NALCN: variants seen among roughly 807,000 people sequenced by gnomAD.
The protein encoded by NALCN is sodium leak channel, non-selective.
A neutral mutation model predicts 225.3 loss-of-function variants in NALCN; 111 were observed. The ratio of observed to expected loss-of-function variants is 0.49; its 90% CI spans 0.42 to 0.58. The LOEUF is 0.58. Among genes scored for constraint, NALCN ranks in the 20% least tolerant of loss-of-function variants. The probability of loss-of-function intolerance (pLI) is 0.00; values close to 1 mark genes in which losing one functional copy is unlikely to be tolerated. For missense variants in NALCN, 1,378 were observed against 2,202.4 expected (o/e 0.63, Z 7.49); for synonymous variants, 764 against 769.0 (o/e 0.99, Z 0.11).
At chr13:101,289,291 T>C (rs1454191358) in intron 9 of NALCN, among the ~76,000 whole-genome samples, 1 of 152,170 alleles carries the variant, frequency 6.6e-6, no homozygotes, top group Non-Finnish European at 1.5e-5. Flanking sequence ...TTACATGTTA[T>C]ATTATGGTCT....
At chr13:101,170,305 T>C (rs2038652786) in intron 15 of NALCN, among the ~76,000 whole-genome samples, 2 of 152,152 alleles carry the variant, frequency 1.3e-5, no homozygotes, top group South Asian at 4.1e-4. Flanking sequence ...GTTTACATGG[T>C]GCAGGCAATG....
intron 17 of NALCN, among the ~76,000 whole-genome samples, chr13:101,138,975 A>G (rs1475363234): frequency 6.6e-6 from 1 of 152,198 alleles, no homozygotes; most frequent in Non-Finnish European, 1.5e-5. Context: ...AGGTAGCAGG[A>G]TAAAGGGATG....
chr13:101,078,157 G>T (rs1416378172), intron 34 of NALCN, among the ~76,000 whole-genome samples: 1 of 73,192 alleles, frequency 1.4e-5, no homozygotes, highest in Non-Finnish European at 3.7e-5. Flanking sequence ...AGTTTGCTGT[G>T]GGGGTAGAGC....
At chr13:101,140,921 C>A (rs1348495163) in intron 17 of NALCN, among the ~76,000 whole-genome samples, 1 of 152,062 alleles carries the variant, frequency 6.6e-6, no homozygotes, top group Non-Finnish European at 1.5e-5. Flanking sequence ...GGCAACACAG[C>A]AAGATCTCAT....
chr13:101,054,219 A>T lies in NALCN; in HGVS notation c.*1076T>A, dbSNP rs146780612. On this transcript the variant is annotated 3_prime_UTR_variant, in exon 44 of 44. Coordinates refer to ENST00000251127, the MANE Select transcript of NALCN (RefSeq NM_052867.4). Reference sequence around the variant, plus strand: ...ACATGGGCCATTGACATATAAGGAAAAAAAACAAAAACAAAAAACGATTAA... The same window carrying T: ...ACATGGGCCATTGACATATAAGGAATAAAAACAAAAACAAAAAACGATTAA... The T allele has an allele frequency of 5.9e-5, 9 of 152,348 alleles. No homozygotes were observed. In the East Asian group the frequency reaches 1.7e-3, roughly 29 times the overall value. The allele number at this position is 152,348 out of a possible 1,614,324, so 9.4% of individuals were successfully genotyped here. A position where few individuals can be genotyped will look rare whatever the true frequency, so the allele number is the denominator to read the frequency against.
intron 4 of NALCN, 92 bp downstream of exon 4, chr13:101,378,478 T>C (rs867873176): frequency 1.1e-6 from 1 of 879,412 alleles, no homozygotes; most frequent in East Asian, 2.7e-5. Context: ...ACATTTGATA[T>C]ATATTTTGTA....
In NALCN at chr13:101,054,638, C is replaced by T. The variant is rs2030983765; in HGVS notation, c.*657G>A. The T allele has an allele frequency of 6.6e-6, 1 of 152,172 alleles. No individual in the cohort carries two copies. Among genetic ancestry groups the T allele is most frequent in the Non-Finnish European group, 1.5e-5 (1 of 68,046 alleles). The allele number at this position is 152,172 out of a possible 1,614,324, so 9.4% of individuals were successfully genotyped here. ...CATTTCTTTGCCTGGTGCTTGCACACACAATTTTCTTAGAAGGAGGCAACA... is the reference window on the plus strand; with the variant it reads ...CATTTCTTTGCCTGGTGCTTGCACATACAATTTTCTTAGAAGGAGGCAACA... On this transcript the variant is annotated 3_prime_UTR_variant, in exon 44 of 44. Transcript: ENST00000251127.
In NALCN at chr13:101,416,166, T is replaced by C. The variant is rs1379552338; in HGVS notation, c.-40+147A>G. Reference sequence around the variant, plus strand: ...GCGGGGCCCCCGCCCGCAGCCCCTCTAGCAGCCCCTCTCGCAGCCCCAGCG... The same window carrying C: ...GCGGGGCCCCCGCCCGCAGCCCCTCCAGCAGCCCCTCTCGCAGCCCCAGCG... On this transcript the variant is annotated intron_variant, in intron 1 of 43. Coordinates refer to ENST00000251127, the MANE Select transcript of NALCN (RefSeq NM_052867.4). 4 of 142,292 alleles carry C rather than the reference T, an allele frequency of 2.8e-5. No individual in the cohort carries two copies. The East Asian group carries it at 9.1e-4, about 32-fold the overall frequency. 8.8% of individuals were successfully genotyped at this position (142,292 alleles called of 1,614,324 possible).
intron 6 of NALCN, among the ~76,000 whole-genome samples, chr13:101,345,822 T>A (rs2045708838): frequency 7.0e-6 from 1 of 143,096 alleles, no homozygotes; most frequent in Non-Finnish European, 1.5e-5. Context: ...CTTCTTGCTC[T>A]TATGTTGTAG....
intron 17 of NALCN, among the ~76,000 whole-genome samples, chr13:101,140,787 T>C (rs2037038930): frequency 6.6e-6 from 1 of 152,132 alleles, no homozygotes; most frequent in African/African-American, 2.4e-5. Flanking sequence ...AAGCCAGGCA[T>C]GGTGGCCATG....
At chr13:101,281,658 T>C (rs73560789) in intron 10 of NALCN, among the ~76,000 whole-genome samples, 2,586 of 151,982 alleles carry the variant, frequency 0.017, 83 homozygotes, top group African/African-American at 0.057. Context: ...CTGACAGAAA[T>C]AAATAACTAA....
At chr13:101,126,540 T>A (rs955083555) in intron 17 of NALCN, among the ~76,000 whole-genome samples, 1 of 151,654 alleles carries the variant, frequency 6.6e-6, no homozygotes, top group Non-Finnish European at 1.5e-5. Flanking sequence ...CCATCCAGGC[T>A]GGAGTGCAGT....
intron 10 of NALCN, among the ~76,000 whole-genome samples, chr13:101,281,862 TTTTCCAAAGAAGAC>T (rs764929920): frequency 2.6e-4 from 39 of 152,172 alleles, no homozygotes; most frequent in Non-Finnish European, 5.0e-4. Context: ...GAGTAGATTT[TTTTCCAAAGAAGAC>T]ATATGAATGG....
In NALCN at chr13:101,180,042, C is replaced by A. The variant is rs890837490; in HGVS notation, c.1765-3668G>T. Among the ~76,000 whole-genome samples, 4 of 151,868 alleles carry A rather than the reference C, an allele frequency of 2.6e-5. No homozygotes were observed. The East Asian group carries it at 7.7e-4, about 29-fold the overall frequency. ...AGGACGCTTGTCATTGGACTTAGGG[C>A]CCACCCAGATAATCCAGGATGATCT... On this transcript the variant is annotated intron_variant, in intron 14 of 43. Coordinates refer to ENST00000251127, the MANE Select transcript of NALCN (RefSeq NM_052867.4).
At chr13:101,301,672 G>A (rs1224914806) in intron 7 of NALCN, among the ~76,000 whole-genome samples, 2 of 147,254 alleles carry the variant, frequency 1.4e-5, no homozygotes, top group African/African-American at 5.0e-5. Context: ...AGTGAGCCGA[G>A]ATCACACCAC....
chr13:101,176,436 G>C, intron 14 of NALCN, 62 bp from the exon 15 acceptor site: 1 of 1,169,442 alleles, frequency 8.6e-7, no homozygotes, highest in Admixed American at 2.4e-5. Flanking sequence ...AATATTATAT[G>C]TATAATATAG....
Position 101,062,022 on chromosome 13 carries a change from C to A in NALCN, c.4701G>T (p.Val1567=). The part of the protein sequence containing the change: ...EQLEYTIEEE[V]AKQTIRMWLK... ...GCCACATGCGGATGGTCTGCTTGGC[C>A]ACCTCCTCCTCTATGGTGTACTCCA... The change falls in exon 41 of 44, where the codon GTG becomes GTT. Residue 1567 remains valine, a synonymous_variant. Transcript: ENST00000251127. 1 of 1,614,166 alleles carries A rather than the reference C, an allele frequency of 6.2e-7. No homozygotes were observed. Among genetic ancestry groups the A allele is most frequent in the African/African-American group, 1.3e-5 (1 of 75,052 alleles).
chr13:101,226,651 T>C (rs867438146), intron 13 of NALCN, among the ~76,000 whole-genome samples: 1 of 71,042 alleles, frequency 1.4e-5, no homozygotes, highest in Non-Finnish European at 2.8e-5. Flanking sequence ...ATCCTATGTG[T>C]GATCTGATGG....
At chr13:101,155,676 G>T (rs2037867780) in intron 15 of NALCN, among the ~76,000 whole-genome samples, 1 of 152,108 alleles carries the variant, frequency 6.6e-6, no homozygotes, top group African/African-American at 2.4e-5. Context: ...GCAAGTCACT[G>T]ACTCCAACTG....
Sources: allele counts gnomAD v4.1 joint callset (sites outside exome capture counted in the v4.1 genomes callset), GRCh38; gene constraint gnomAD v4.1.1; transcripts MANE v1.5; gene names NCBI Gene and HGNC (gene_info 2026-07-23, HGNC 2026-07-21).